Variants in RIOK1 observed in about 807,000 individuals in gnomAD.
RIOK1 encodes the protein serine/threonine-protein kinase RIO1.
Under a neutral mutation model 73.5 loss-of-function variants are expected in RIOK1, and 66 were observed. The ratio of observed to expected loss-of-function variants is 0.90; its 90% CI spans 0.74 to 1.10. RIOK1 has a LOEUF of 1.10. RIOK1 is among the 50% of genes least tolerant of loss of function. RIOK1 has a pLI of 0.00. For synonymous variants in RIOK1, 224 were observed against 226.8 expected, an observed-to-expected ratio of 0.99 and a Z score of 0.11; for missense variants, 658 against 699.8, an observed-to-expected ratio of 0.94 and a Z score of 0.67.
intron 12 of RIOK1, among the ~76,000 whole-genome samples, chr6:7,407,369 T>G (rs149105428): frequency 1.3e-5 from 2 of 152,202 alleles, no homozygotes; most frequent in Non-Finnish European, 2.9e-5. Context: ...AGAGACCCCC[T>G]AATGAGTGTG....
rs1193241098 is a variant in RIOK1, at chr6:7,414,390, A to G, written c.1596A>G (p.Lys532=). 1 of 1,598,610 alleles carries G rather than the reference A, an allele frequency of 6.3e-7. No individual in the cohort carries two copies. The highest frequency in any genetic ancestry group is 8.5e-7 in the Non-Finnish European group (1 of 1,175,644). The change falls in exon 16 of 17, where the codon AAA becomes AAG. Residue 532 remains lysine, a splice_region_variant and synonymous_variant. Coordinates refer to ENST00000379834, the MANE Select transcript of RIOK1 (RefSeq NM_031480.3). ...CCACGGACCCTGACATTGATAAAAA[A>G]GTAAGCAATGAAATACCTTCCCCTT... ...KHTTDPDIDK[K]ERKKMVKEAQ...
rs368346331 is a variant in RIOK1 at position 7,410,325 on chromosome 6, A to T, written c.1204-61A>T. On this transcript the variant is annotated intron_variant, in intron 12 of 16. Transcript: ENST00000379834. The stretch of plus-strand genomic sequence containing the variant: ...GGAACAATTTTATACCAAAACTGGG[A>T]CATGGATGTGCCTTCTGCAGTTTGA... The T allele has an allele frequency of 8.4e-5, 96 of 1,139,150 alleles. No homozygotes were observed. The African/African-American group carries it at 1.4e-3, about 17-fold the overall frequency. 70.6% of individuals were successfully genotyped at this position (1,139,150 alleles called of 1,614,324 possible).
At chr6:7,412,858 C>CT (rs1250657610) in intron 14 of RIOK1, 31 bp from the exon 15 acceptor site, 2 of 1,237,944 alleles carry the variant, frequency 1.6e-6, no homozygotes, top group African/African-American at 3.2e-5. Context: ...TATGTTGATC[C>CT]TTATTTTTTT....
At chr6:7,398,616 C>A in intron 4 of RIOK1, 82 bp from the exon 5 acceptor site, 1 of 1,059,662 alleles carries the variant, frequency 9.4e-7, no homozygotes. Context: ...TAGGAATTTT[C>A]ATGAAATTAT....
At position 7,389,850 on chromosome 6, in the gene RIOK1, C is replaced by G; in HGVS notation, c.-153C>G. ...GGCAGGGTGGTGGATCTGTCGGTCC[C>G]GTTTTCCCGTCGCACGTGGTGGCCA... On this transcript the variant is annotated 5_prime_UTR_variant, in exon 1 of 17. Transcript: ENST00000379834. 4.8e-6 allele frequency: 3 copies of G among 627,050 alleles called. No individual in the cohort carries two copies. In the South Asian group the frequency reaches 5.9e-5, roughly 12 times the overall value. 38.8% of individuals were successfully genotyped at this position (627,050 alleles called of 1,614,324 possible). A position where few individuals can be genotyped will look rare whatever the true frequency, so the allele number is the denominator to read the frequency against.
At chr6:7,413,811 C>A (rs367595920) in intron 15 of RIOK1, among the ~76,000 whole-genome samples, 34 of 152,332 alleles carry the variant, frequency 2.2e-4, no homozygotes, top group African/African-American at 7.5e-4. Flanking sequence ...CTCTTCTTCA[C>A]ATATTGTTTT....
chr6:7,416,723 G>C (rs1762013773), intron 16 of RIOK1, among the ~76,000 whole-genome samples: 2 of 151,946 alleles, frequency 1.3e-5, no homozygotes, highest in African/African-American at 4.8e-5. Flanking sequence ...GGGAGGTTGA[G>C]GCAAGAGGAT....
At chr6:7,402,082 A>G (rs35186138) in intron 6 of RIOK1, among the ~76,000 whole-genome samples, 16,556 of 152,222 alleles carry the variant, frequency 0.11, 1,215 homozygotes, top group East Asian at 0.32. Flanking sequence ...ATTTTACTGT[A>G]CAGTCTTGCA....
At chr6:7,400,919 C>A (rs376226566) in intron 5 of RIOK1, 39 bp from the exon 6 acceptor site, 2 of 1,305,688 alleles carry the variant, frequency 1.5e-6, no homozygotes, top group South Asian at 2.4e-5. Flanking sequence ...AATTTGGTAC[C>A]GTCTTTTGGA....
Position 7,389,981 on chromosome 6 carries a change from C to A in RIOK1, c.-22C>A. Reference sequence around the variant, plus strand: ...GTTCCTTTCCATCGCAGAGCGGCGGCCTCCGGCGGCGCTCTCCAGTCATGG... The same window carrying A: ...GTTCCTTTCCATCGCAGAGCGGCGGACTCCGGCGGCGCTCTCCAGTCATGG... On this transcript the variant is annotated 5_prime_UTR_variant, in exon 1 of 17. Coordinates refer to ENST00000379834, the MANE Select transcript of RIOK1 (RefSeq NM_031480.3). 1 of 1,548,114 alleles carries A rather than the reference C, an allele frequency of 6.5e-7. No individual in the cohort carries two copies. The highest frequency in any genetic ancestry group is 8.7e-7 in the Non-Finnish European group (1 of 1,145,188).
intron 1 of RIOK1, among the ~76,000 whole-genome samples, chr6:7,390,903 T>C (rs1038176093): frequency 1.3e-5 from 2 of 151,900 alleles, no homozygotes; most frequent in South Asian, 4.2e-4. Context: ...TCATGGAGGG[T>C]GGGAGTGGAA....
At chr6:7,414,000 C>T (rs550639245) in intron 15 of RIOK1, among the ~76,000 whole-genome samples, 6 of 152,326 alleles carry the variant, frequency 3.9e-5, no homozygotes, top group African/African-American at 1.2e-4. Flanking sequence ...ATCTAGGTCA[C>T]GCAGTAAAGC....
At position 7,411,425 on chromosome 6, in the gene RIOK1, A is replaced by G; in HGVS notation, c.1363A>G (p.Met455Val). 6.2e-7 allele frequency: 1 copy of G among 1,613,996 alleles called. No homozygotes were observed. Among genetic ancestry groups the G allele is most frequent in the African/African-American group, 1.3e-5 (1 of 75,070 alleles). Residue 455 changes from methionine to valine, a missense_variant, in exon 14 of 17, where the codon ATG becomes GTG. Transcript: ENST00000379834. ...DIIMKLKEED[M>V]AMNAQQDNIL... ...AATTATGAAATTGAAGGAAGAGGAC[A>G]TGGCCATGAATGCCCAACAAGATAA...
At position 7,402,657 on chromosome 6, in the gene RIOK1, T is replaced by G. The variant is rs1018566858; in HGVS notation, c.628T>G (p.Tyr210Asp). The G allele has an allele frequency of 6.2e-7, 1 of 1,612,966 alleles. No homozygotes were observed. Among genetic ancestry groups the G allele is most frequent in the African/African-American group, 1.3e-5 (1 of 74,908 alleles). ...ANGESRAIKI[Y>D]KTSILVFKDR... ...TGGAGAGAGCAGAGCAATCAAAATT[T>G]ATAAAACTTCTATTTTGGTGTTCAA... is the stretch of plus-strand genomic sequence containing the variant. The change falls in exon 7 of 17, where the codon TAT (tyrosine) becomes GAT (aspartate). Residue 210 changes from tyrosine (Y) to aspartate (D), a missense_variant. Physicochemically the swap from Tyr to Asp is radical, Grantham distance 160. Transcript: ENST00000379834.
At position 7,405,336 on chromosome 6, in the gene RIOK1, T is replaced by C; in HGVS notation, c.1184T>C (p.Met395Thr). The change falls in exon 12 of 17, where the codon ATG becomes ACG. Residue 395 changes from methionine (M) to threonine (T), a missense_variant. Coordinates refer to ENST00000379834, the MANE Select transcript of RIOK1 (RefSeq NM_031480.3). ...GATCCATCCATTACACATGAGAACA[T>C]GGATGCTTATCTCTCAAAGGTAAGA... ...VTDPSITHEN[M>T]DAYLSKAMEI... The C allele has an allele frequency of 6.2e-7, 1 of 1,605,538 alleles. No individual in the cohort carries two copies. Among genetic ancestry groups the C allele is most frequent in the Non-Finnish European group, 8.5e-7 (1 of 1,172,326 alleles).
At chr6:7,403,290 A>T (rs1761657719) in intron 8 of RIOK1, among the ~76,000 whole-genome samples, 3 of 152,206 alleles carry the variant, frequency 2.0e-5, no homozygotes, top group Admixed American at 1.3e-4. Flanking sequence ...TTTCGTAGGT[A>T]TTGGAGTTTT....
intron 4 of RIOK1, among the ~76,000 whole-genome samples, chr6:7,398,476 G>A (rs1761534182): frequency 6.6e-6 from 1 of 152,130 alleles, no homozygotes; most frequent in Non-Finnish European, 1.5e-5. Flanking sequence ...TCTTTTTACT[G>A]TATACATACT....
At chr6:7,394,916 A>G in intron 2 of RIOK1, 137 bp from the exon 3 acceptor site, 10 of 1,368,446 alleles carry the variant, frequency 7.3e-6, no homozygotes, top group Non-Finnish European at 1.0e-5. Context: ...AGCCAATTTG[A>G]TTGACTCTTA....
intron 16 of RIOK1, among the ~76,000 whole-genome samples, chr6:7,416,757 C>G (rs1362677695): frequency 6.6e-6 from 1 of 151,850 alleles, no homozygotes; most frequent in Non-Finnish European, 1.5e-5. Flanking sequence ...GAGCTTGAGG[C>G]TGCAGTGCAC....
Sources: allele counts gnomAD v4.1 joint callset (sites outside exome capture counted in the v4.1 genomes callset), GRCh38; gene constraint gnomAD v4.1.1; transcripts MANE v1.5; gene names NCBI Gene and HGNC (gene_info 2026-07-23, HGNC 2026-07-21).